Variants in CCDC63 observed in about 807,000 individuals in gnomAD.
CCDC63 encodes coiled-coil domain containing 63, also known as coiled-coil domain-containing protein 63.
In CCDC63, 54 loss-of-function variants were observed where a neutral mutation model predicts 63.6. That is an observed-to-expected ratio of 0.85 (90% CI 0.68 to 1.07). The LOEUF is 1.07. Ranked by LOEUF, CCDC63 falls within the 50% of genes least tolerant of loss-of-function variation. The probability of loss-of-function intolerance (pLI) is 0.00; values close to 1 mark genes in which losing one functional copy is unlikely to be tolerated. For synonymous variants in CCDC63, 253 were observed against 266.1 expected (o/e 0.95, Z 0.48); for missense variants, 637 against 689.6 (o/e 0.92, Z 0.86).
intron 4 of CCDC63, among the ~76,000 whole-genome samples, chr12:110,872,903 T>C (rs979549850): frequency 6.6e-6 from 1 of 152,184 alleles, no homozygotes; most frequent in African/African-American, 2.4e-5. Flanking sequence ...CTGGCCAAAT[T>C]TTCTGTACCT....
chr12:110,859,475 T>G (rs1180235360), intron 4 of CCDC63, among the ~76,000 whole-genome samples: 1 of 151,982 alleles, frequency 6.6e-6, no homozygotes, highest in African/African-American at 2.4e-5. Flanking sequence ...CTGGCTAATT[T>G]TTGTATTTTT....
chr12:110,870,658 C>T (rs2071053272), intron 4 of CCDC63, among the ~76,000 whole-genome samples: 1 of 152,168 alleles, frequency 6.6e-6, no homozygotes, highest in South Asian at 2.1e-4. Context: ...CAGACCCCAT[C>T]CTGTGTTACC....
chr12:110,893,058 T>G lies in CCDC63; in HGVS notation c.1075-18T>G, dbSNP rs1383946422. 1 of 1,612,564 alleles carries G rather than the reference T, an allele frequency of 6.2e-7. No homozygotes were observed. Among genetic ancestry groups the G allele is most frequent in the Admixed American group, 1.7e-5 (1 of 59,964 alleles). On this transcript the variant is annotated intron_variant, in intron 8 of 11. Transcript: ENST00000308208. ...GAAGAGCCCACTTTTCCTCATGGTC[T>G]TGTTCTCTCCCGAGCAGGACGAGAT... is the stretch of plus-strand genomic sequence containing the variant.
intron 8 of CCDC63, among the ~76,000 whole-genome samples, chr12:110,891,656 G>A (rs12825471): frequency 0.34 from 38,704 of 114,842 alleles, 6,957 homozygotes; most frequent in African/African-American, 0.47. Flanking sequence ...AAAAAAAAAA[G>A]AAGAAGAAGA....
chr12:110,859,276 C>A (rs2078854), intron 4 of CCDC63, among the ~76,000 whole-genome samples: 112,614 of 151,940 alleles, frequency 0.74, 42,000 homozygotes, highest in African/African-American at 0.81. Flanking sequence ...TCATGCTGGC[C>A]ATTGAATATT....
chr12:110,892,943 GC>G, intron 8 of CCDC63, 132 bp from the exon 9 acceptor site: 1 of 676,786 alleles, frequency 1.5e-6, no homozygotes, highest in Non-Finnish European at 2.6e-6. Context: ...CCTAAGAGGG[GC>G]CCAGGTGTTT....
chr12:110,853,379 C>T, intron 2 of CCDC63, 26 bp from the exon 3 acceptor site: 1 of 1,598,660 alleles, frequency 6.3e-7, no homozygotes, highest in African/African-American at 1.4e-5. Flanking sequence ...CCACTACGGC[C>T]TCCCACTCCT....
At chr12:110,885,591 T>G (rs12099913) in intron 8 of CCDC63, among the ~76,000 whole-genome samples, 18,143 of 152,090 alleles carry the variant, frequency 0.12, 2,836 homozygotes, top group African/African-American at 0.36. Context: ...GTCCCATGCA[T>G]TTCCCTCCGC....
Position 110,879,998 on chromosome 12 carries a change from T to C in CCDC63, c.582T>C (p.Asn194=), listed in dbSNP as rs1350227191. The part of the protein sequence containing the change: ...DLRFEKAAYD[N]VYQQLQHCLL... ...GATTTGAGAAGGCTGCTTATGACAA[T>C]GTCTACCAGCAGCTCCAGCACTGCC... The change falls in exon 6 of 12, where the codon AAT becomes AAC. Residue 194 remains asparagine, a synonymous_variant. Transcript: ENST00000308208. 4 of 1,614,040 alleles carry C rather than the reference T, an allele frequency of 2.5e-6. No homozygotes were observed. Among genetic ancestry groups the C allele is most frequent in the East Asian group, 2.2e-5 (1 of 44,890 alleles).
At chr12:110,854,255 CTTTTTTT>C (rs59793950) in intron 3 of CCDC63, among the ~76,000 whole-genome samples, 42 of 106,748 alleles carry the variant, frequency 3.9e-4, no homozygotes, top group South Asian at 3.5e-3. Flanking sequence ...CATTTCTTTT[CTTTTTTT>C]TTTTTTTTTG....
intron 6 of CCDC63, among the ~76,000 whole-genome samples, chr12:110,880,711 A>G: frequency 7.3e-5 from 3 of 41,170 alleles, no homozygotes; most frequent in Non-Finnish European, 1.6e-4. Flanking sequence ...TGATATGGTG[A>G]TGGTGATGAT....
chr12:110,865,608 C>T (rs774164755), intron 4 of CCDC63, among the ~76,000 whole-genome samples: 3 of 152,106 alleles, frequency 2.0e-5, no homozygotes, highest in Non-Finnish European at 4.4e-5. Context: ...ATAGAACAAC[C>T]GTTAACTAAA....
intron 5 of CCDC63, among the ~76,000 whole-genome samples, chr12:110,878,707 G>T (rs2071163003): frequency 6.6e-6 from 1 of 152,214 alleles, no homozygotes; most frequent in African/African-American, 2.4e-5. Flanking sequence ...ATGTGAGACT[G>T]CAGATGCCCT....
At chr12:110,848,636 A>G (rs1443566135) in intron 1 of CCDC63, among the ~76,000 whole-genome samples, 4 of 152,150 alleles carry the variant, frequency 2.6e-5, no homozygotes, top group Non-Finnish European at 5.9e-5. Context: ...CTTCACAAAC[A>G]GGCTACGTTC....
chr12:110,857,547 G>T (rs2070790068), intron 3 of CCDC63, among the ~76,000 whole-genome samples: 1 of 152,164 alleles, frequency 6.6e-6, no homozygotes, highest in Non-Finnish European at 1.5e-5. Context: ...CTGAGATTCT[G>T]CATTTCTCCA....
chr12:110,866,964 C>T (rs2070960806), intron 4 of CCDC63, among the ~76,000 whole-genome samples: 1 of 143,296 alleles, frequency 7.0e-6, no homozygotes, highest in Admixed American at 7.0e-5. Flanking sequence ...CCCCCACCTC[C>T]CTCCCGGACG....
chr12:110,885,569 C>T (rs1282056698), intron 8 of CCDC63, among the ~76,000 whole-genome samples: 1 of 152,226 alleles, frequency 6.6e-6, no homozygotes, highest in African/African-American at 2.4e-5. Flanking sequence ...TCTGCTGCTG[C>T]CAGCCCCAGC....
At chr12:110,881,062 G>C (rs2071200760) in intron 6 of CCDC63, 53 bp from the exon 7 acceptor site, 2 of 1,503,118 alleles carry the variant, frequency 1.3e-6, no homozygotes, top group Non-Finnish European at 1.8e-6. Flanking sequence ...CAGGGAAAGG[G>C]AAGTAGAGAG....
intron 4 of CCDC63, among the ~76,000 whole-genome samples, chr12:110,862,590 G>A (rs2070869685): frequency 6.6e-6 from 1 of 152,196 alleles, no homozygotes; most frequent in South Asian, 2.1e-4. Context: ...GAGCCACCAG[G>A]AAATGCTGAT....
Sources: allele counts gnomAD v4.1 joint callset (sites outside exome capture counted in the v4.1 genomes callset), GRCh38; gene constraint gnomAD v4.1.1; transcripts MANE v1.5; gene names NCBI Gene and HGNC (gene_info 2026-07-23, HGNC 2026-07-21).